Variants in TMEM40 observed in about 807,000 individuals in gnomAD.
The protein encoded by TMEM40 is transmembrane protein 40.
A neutral mutation model predicts 40.8 loss-of-function variants in TMEM40; 34 were observed. The observed-to-expected ratio is 0.83, with a 90% CI of 0.63 to 1.11. The LOEUF is 1.11. Among genes scored for constraint, TMEM40 ranks in the 50% least tolerant of loss-of-function variants. The pLI is 0.00. For missense variants in TMEM40, 296 were observed against 280.2 expected (o/e 1.06, Z -0.40); for synonymous variants, 106 against 107.0 (o/e 0.99, Z 0.06).
At position 12,748,722 on chromosome 3, in the gene TMEM40, G is replaced by C; in HGVS notation, c.144C>G (p.Asn48Lys). 6.2e-7 allele frequency: 1 copy of C among 1,614,082 alleles called. No individual in the cohort carries two copies. The highest frequency in any genetic ancestry group is 8.5e-7 in the Non-Finnish European group (1 of 1,179,984). Reference protein sequence around the residue: ...GLFSQEQYERNKSSSSSSSSS... With the variant: ...GLFSQEQYERKKSSSSSSSSS... ...AAGAGGAGGAGGAGGAAGAAGACTT[G>C]TTTCTCTCATATTGTTCTTGGGAAA... The change falls in exon 3 of 12, where the codon AAC (asparagine) becomes AAG (lysine). Residue 48 changes from asparagine to lysine, a missense_variant. Physicochemically the swap from Asn to Lys is moderately conservative, Grantham distance 94. Coordinates refer to ENST00000314124, the MANE Select transcript of TMEM40 (RefSeq NM_018306.4).
chr3:12,735,899 A>G lies in TMEM40; in HGVS notation c.620-282T>C, dbSNP rs115791695. Reference sequence around the variant, plus strand: ...TAGTTCTATTTTGTTTGCCACTTTTATTTATTTATTTTATAGACAGAGTCT... The same window carrying G: ...TAGTTCTATTTTGTTTGCCACTTTTGTTTATTTATTTTATAGACAGAGTCT... On this transcript the variant is annotated intron_variant, in intron 10 of 11. Transcript: ENST00000314124. 4.7e-4 allele frequency among the ~76,000 whole-genome samples: 72 copies of G among 152,224 alleles called. 1 individual carries two copies. The South Asian group carries it at 0.011, about 24-fold the overall frequency.
upstream of TMEM40, among the ~76,000 whole-genome samples, chr3:12,761,068 T>G (rs1180069275): frequency 6.6e-6 from 1 of 152,200 alleles, no homozygotes. Flanking sequence ...ATGAGTGACC[T>G]GAAAGGTTAG....
In TMEM40 at chr3:12,734,393, A is replaced by G. The variant is rs560203523; in HGVS notation, c.*381T>C. 1.4e-5 allele frequency: 3 copies of G among 208,070 alleles called. No homozygotes were observed. The Admixed American group carries it at 1.6e-4, about 11-fold the overall frequency. The allele number at this position is 208,070 out of a possible 1,614,324, so 12.9% of individuals were successfully genotyped here. ...ATGGCTCGGTAGCACCTGAGAGCGCATGCAGATAGCCTGGGATTTGAGAAA... is the reference window on the plus strand; with the variant it reads ...ATGGCTCGGTAGCACCTGAGAGCGCGTGCAGATAGCCTGGGATTTGAGAAA... On this transcript the variant is annotated 3_prime_UTR_variant, in exon 12 of 12. Transcript: ENST00000314124.
At chr3:12,764,243 CTG>C (rs949832668), upstream of TMEM40, among the ~76,000 whole-genome samples, 17 of 152,170 alleles carry the variant, frequency 1.1e-4, no homozygotes, top group Admixed American at 2.6e-4. Context: ...AGAAAGATGT[CTG>C]TGAGGGCAGC....
At chr3:12,751,004 G>C (rs1453682664) in intron 1 of TMEM40, among the ~76,000 whole-genome samples, 1 of 152,106 alleles carries the variant, frequency 6.6e-6, no homozygotes, top group African/African-American at 2.4e-5. Context: ...CTTAGAGCCA[G>C]ATTGCCTGGG....
Position 12,734,717 on chromosome 3 carries a change from G to T in TMEM40, c.*57C>A, listed in dbSNP as rs2061325614. ...ATGCTGCTCTGCCCTTGTGGGCTCA[G>T]GGGTCGCAGTGGTGGTCACACTGGG... On this transcript the variant is annotated 3_prime_UTR_variant, in exon 12 of 12. Transcript: ENST00000314124. The T allele has an allele frequency of 2.9e-5, 46 of 1,564,718 alleles. 3 individuals are homozygous for T. The South Asian group carries it at 4.9e-4, about 17-fold the overall frequency.
chr3:12,736,785 C>T lies in TMEM40; in HGVS notation c.523G>A (p.Val175Met), dbSNP rs953462561. The T allele has an allele frequency of 1.9e-6, 3 of 1,614,018 alleles. No homozygotes were observed. In the African/African-American group the frequency reaches 4.0e-5, roughly 22 times the overall value. The change falls in exon 9 of 12, where the codon GTG becomes ATG. Residue 175 changes from valine to methionine, a missense_variant. Val to Met is a conservative substitution (Grantham distance 21). Transcript: ENST00000314124. ...LLCFAIGALL[V>M]CYHYYADWFM... ...TCACCTGCGTAATAGTGATAACACA[C>T]CAGCAAGGCCCCGATGGCAAAGCAC... is the stretch of plus-strand genomic sequence containing the variant.
upstream of TMEM40, among the ~76,000 whole-genome samples, chr3:12,762,889 C>T (rs1016444286): frequency 2.0e-5 from 3 of 152,078 alleles, no homozygotes; most frequent in East Asian, 1.9e-4. Flanking sequence ...TGCAGCTGGG[C>T]GCGGTGGCTC....
intron 1 of TMEM40, among the ~76,000 whole-genome samples, chr3:12,758,629 T>A (rs1192216618): frequency 6.6e-6 from 1 of 152,130 alleles, no homozygotes; most frequent in East Asian, 1.9e-4. Context: ...GGGGTGCCTT[T>A]GAGCTGGAGG....
chr3:12,759,298 G>C (rs3773332), upstream of TMEM40: 16,310 of 152,404 alleles, frequency 0.11, 1,526 homozygotes, highest in African/African-American at 0.25. Flanking sequence ...TGACAGCAAG[G>C]AGGGCGGGAC....
chr3:12,761,215 G>T (rs2061566469), upstream of TMEM40, among the ~76,000 whole-genome samples: 1 of 152,226 alleles, frequency 6.6e-6, no homozygotes, highest in African/African-American at 2.4e-5. Context: ...ATGGAGAGGG[G>T]AGAGGAGGAA....
At chr3:12,756,059 G>C (rs2061524679) in intron 1 of TMEM40, among the ~76,000 whole-genome samples, 1 of 152,156 alleles carries the variant, frequency 6.6e-6, no homozygotes, top group Admixed American at 6.5e-5. Context: ...CAATGGAAAG[G>C]AGTCCGACAC....
chr3:12,756,425 A>G (rs780531858), intron 1 of TMEM40, among the ~76,000 whole-genome samples: 6 of 152,176 alleles, frequency 3.9e-5, no homozygotes, highest in Non-Finnish European at 5.9e-5. Context: ...AGATCCTCAG[A>G]CCAAGCTAGA....
At chr3:12,757,078 A>T (rs1381633840) in intron 1 of TMEM40, among the ~76,000 whole-genome samples, 2 of 152,206 alleles carry the variant, frequency 1.3e-5, no homozygotes, top group Non-Finnish European at 2.9e-5. Context: ...CCTACAACTC[A>T]ACATACAGTG....
chr3:12,743,836 T>C (rs2061401643), intron 4 of TMEM40, 64 bp downstream of exon 4: 1 of 1,488,066 alleles, frequency 6.7e-7, no homozygotes, highest in Non-Finnish European at 9.3e-7. Flanking sequence ...CACACTTCAG[T>C]CCCACGGAGA....
chr3:12,752,693 G>A (rs1390617864), intron 1 of TMEM40, among the ~76,000 whole-genome samples: 3 of 152,012 alleles, frequency 2.0e-5, no homozygotes, highest in Admixed American at 2.0e-4. Flanking sequence ...AGCTACTCAG[G>A]AGGCTGAGGC....
In TMEM40 at chr3:12,734,645, A is replaced by G. The variant is rs2061324962; in HGVS notation, c.*129T>C. On this transcript the variant is annotated 3_prime_UTR_variant, in exon 12 of 12. Coordinates refer to ENST00000314124, the MANE Select transcript of TMEM40 (RefSeq NM_018306.4). ...AACATTCAGACCACATGGAAGGAAA[A>G]GTGTTCTGTTTATTGGTCTGGCTTG... 5 of 1,084,130 alleles carry G rather than the reference A, an allele frequency of 4.6e-6. No individual in the cohort carries two copies. Among genetic ancestry groups the G allele is most frequent in the Non-Finnish European group, 6.7e-6 (5 of 745,266 alleles). 67.2% of individuals were successfully genotyped at this position (1,084,130 alleles called of 1,614,324 possible).
intron 1 of TMEM40, among the ~76,000 whole-genome samples, chr3:12,767,857 A>G (rs138129189): frequency 2.0e-5 from 3 of 152,260 alleles, no homozygotes; most frequent in East Asian, 1.9e-4. Flanking sequence ...AGGGAGGAAT[A>G]TGGTGCAGCT....
Position 12,755,227 on chromosome 3 carries a change from C to CTT in TMEM40, c.-9+3963_-9+3964insAA, listed in dbSNP as rs60761127. Among the ~76,000 whole-genome samples, 538 of 92,942 alleles carry CTT rather than the reference C, an allele frequency of 5.8e-3. 5 individuals carry two copies. The highest frequency in any genetic ancestry group is 0.03 in the African/African-American group (467 of 15,654). 61.0% of individuals were successfully genotyped at this position (92,942 alleles called of 152,430 possible). On this transcript the variant is annotated intron_variant, in intron 1 of 11. Coordinates refer to ENST00000314124, the MANE Select transcript of TMEM40 (RefSeq NM_018306.4). ...TCTTTCTTTCTTTCTCTCTCTCTCT[C>CTT]TCTCTCTCTTTCTTTCTTTCTTTCT...
Sources: allele counts gnomAD v4.1 joint callset (sites outside exome capture counted in the v4.1 genomes callset), GRCh38; gene constraint gnomAD v4.1.1; transcripts MANE v1.5; gene names NCBI Gene and HGNC (gene_info 2026-07-23, HGNC 2026-07-21).